Variants in JPH1 observed in about 807,000 individuals in gnomAD.
The protein encoded by JPH1 is junctophilin 1.
A neutral mutation model predicts 53.6 loss-of-function variants in JPH1; 12 were observed. The observed-to-expected ratio is 0.22, with a 90% CI of 0.14 to 0.36. The LOEUF (loss-of-function observed/expected upper bound fraction) is 0.36, where lower values mean the gene tolerates loss of function less well. Among genes scored for constraint, JPH1 ranks in the 10% least tolerant of loss-of-function variants. The pLI, the probability that JPH1 is intolerant of heterozygous loss-of-function variation, is 1.00. For synonymous variants in JPH1, 375 were observed against 363.8 expected (o/e 1.03, Z -0.35); for missense variants, 808 against 905.5 (o/e 0.89, Z 1.38).
chr8:74,237,487 C>T (rs1019984638), intron 4 of JPH1, among the ~76,000 whole-genome samples, 184 bp from the exon 5 acceptor site: 7 of 152,190 alleles, frequency 4.6e-5, no homozygotes, highest in African/African-American at 1.7e-4. Context: ...GGAGACATTT[C>T]AGAACCTTCA....
At position 74,235,908 on chromosome 8, in the gene JPH1, A is replaced by G. The variant is rs1563388293; in HGVS notation, c.*1143T>C. ...TATTCAACAGAAATTTAAGTTGGAA[A>G]AAGAAAACAAGAAAGAGCAGAGCAG... is the stretch of plus-strand genomic sequence containing the variant. On this transcript the variant is annotated 3_prime_UTR_variant, in exon 6 of 6. Transcript: ENST00000342232. 1 of 152,240 alleles carries G rather than the reference A, an allele frequency of 6.6e-6. No individual in the cohort carries two copies. The highest frequency in any genetic ancestry group is 1.5e-5 in the Non-Finnish European group (1 of 68,032). The allele number at this position is 152,240 out of a possible 1,614,324, so 9.4% of individuals were successfully genotyped here.
At chr8:74,289,661 A>G (rs974210967) in intron 2 of JPH1, among the ~76,000 whole-genome samples, 26 of 152,318 alleles carry the variant, frequency 1.7e-4, no homozygotes, top group African/African-American at 5.8e-4. Context: ...ATGCTGCCGC[A>G]TGGATAAGCC....
intron 3 of JPH1, among the ~76,000 whole-genome samples, chr8:74,256,061 T>A (rs1042955611): frequency 2.0e-5 from 3 of 152,228 alleles, no homozygotes; most frequent in Admixed American, 6.5e-5. Context: ...CAAAGGATTA[T>A]AAATCATGCT....
chr8:74,279,694 C>A (rs1302076872), intron 2 of JPH1, among the ~76,000 whole-genome samples: 1 of 152,174 alleles, frequency 6.6e-6, no homozygotes, highest in East Asian at 1.9e-4. Flanking sequence ...CTAACATATT[C>A]TCTCCCCTTG....
intron 2 of JPH1, among the ~76,000 whole-genome samples, chr8:74,288,638 CT>C (rs1372825355): frequency 6.6e-6 from 1 of 152,130 alleles, no homozygotes; most frequent in African/African-American, 2.4e-5. Flanking sequence ...CAAGGAAATG[CT>C]TTACTAGGAA....
intron 2 of JPH1, among the ~76,000 whole-genome samples, chr8:74,297,493 C>T (rs559316439): frequency 6.6e-5 from 10 of 152,134 alleles, no homozygotes; most frequent in Non-Finnish European, 1.3e-4. Context: ...GTGTGCTTCG[C>T]GGGACTCTTA....
chr8:74,241,984 C>T (rs577887155), intron 4 of JPH1, among the ~76,000 whole-genome samples: 24 of 152,274 alleles, frequency 1.6e-4, no homozygotes, highest in African/African-American at 2.9e-4. Context: ...ACAAAAATTT[C>T]GGGATCACAT....
At chr8:74,273,491 A>G (rs1410950675) in intron 2 of JPH1, among the ~76,000 whole-genome samples, 2 of 152,222 alleles carry the variant, frequency 1.3e-5, no homozygotes, top group Admixed American at 6.5e-5. Context: ...TCGGGAATGA[A>G]TAATTTAACC....
At chr8:74,298,121 AGCT>A (rs2131442731) in intron 2 of JPH1, among the ~76,000 whole-genome samples, 1 of 152,324 alleles carries the variant, frequency 6.6e-6, no homozygotes, top group South Asian at 2.1e-4. Context: ...ATCCTCGGGA[AGCT>A]GCTAAGTGCT....
chr8:74,284,918 G>A (rs564523515), intron 2 of JPH1, among the ~76,000 whole-genome samples: 27 of 151,518 alleles, frequency 1.8e-4, no homozygotes, highest in Non-Finnish European at 3.2e-4. Context: ...TCTGCCTCAC[G>A]GGTTCAAGTG....
chr8:74,270,091 T>C lies in JPH1; in HGVS notation c.1140-10588A>G, dbSNP rs538888753. ...CATTTTGAGCTTTCTTCTCCCAATGTATTTTTTTTTAACGAGTTTCGGCTG... is the reference window on the plus strand; with the variant it reads ...CATTTTGAGCTTTCTTCTCCCAATGCATTTTTTTTTAACGAGTTTCGGCTG... On this transcript the variant is annotated intron_variant, in intron 2 of 5. Transcript: ENST00000342232. Among the ~76,000 whole-genome samples, 3 of 149,176 alleles carry C rather than the reference T, an allele frequency of 2.0e-5. No individual in the cohort carries two copies. The South Asian group carries it at 6.3e-4, about 31-fold the overall frequency.
chr8:74,302,799 C>T (rs1216856702), intron 2 of JPH1, among the ~76,000 whole-genome samples: 1 of 152,148 alleles, frequency 6.6e-6, no homozygotes, highest in African/African-American at 2.4e-5. Flanking sequence ...AGGGTATTTG[C>T]TTTTAATGAC....
chr8:74,263,000 G>A (rs1806435726), intron 2 of JPH1, among the ~76,000 whole-genome samples: 1 of 152,196 alleles, frequency 6.6e-6, no homozygotes, highest in Non-Finnish European at 1.5e-5. Context: ...TGTTTTATGA[G>A]CTCTCTAGTT....
At chr8:74,312,955 AC>A (rs1350453164) in intron 2 of JPH1, among the ~76,000 whole-genome samples, 1 of 152,206 alleles carries the variant, frequency 6.6e-6, no homozygotes, top group Admixed American at 6.5e-5. Flanking sequence ...AAATAATACT[AC>A]CCCCAAAAGA....
At chr8:74,251,234 A>C (rs970091765) in intron 3 of JPH1, among the ~76,000 whole-genome samples, 1 of 152,104 alleles carries the variant, frequency 6.6e-6, no homozygotes, top group African/African-American at 2.4e-5. Context: ...AACACTGCCA[A>C]TTTTTGCCTC....
Position 74,315,596 on chromosome 8 carries a change from C to G in JPH1, c.404G>C (p.Gly135Ala). 3 of 1,602,698 alleles carry G rather than the reference C, an allele frequency of 1.9e-6. No individual in the cohort carries two copies. Among genetic ancestry groups the G allele is most frequent in the Non-Finnish European group, 2.5e-6 (3 of 1,177,940 alleles). ...CACGCCGTAGCCATGCCGCATGCCT[C>G]CGGCCCACTGGCCCTGGTAGGTACC... ...DGGTYQGQWA[G>A]GMRHGYGVRQ... Residue 135 changes from glycine to alanine, a missense_variant, in exon 2 of 6, where the codon GGA becomes GCA. Transcript: ENST00000342232. The surrounding 1 kb of genome is among the most constrained non-coding windows in gnomAD (Gnocchi z 6.3).
chr8:74,286,648 G>A (rs1340883162), intron 2 of JPH1, among the ~76,000 whole-genome samples: 4 of 152,084 alleles, frequency 2.6e-5, no homozygotes, highest in African/African-American at 9.7e-5. Context: ...TTATAATTAT[G>A]TCTGTAACTC....
At chr8:74,249,631 G>A (rs915429134) in intron 3 of JPH1, among the ~76,000 whole-genome samples, 3 of 152,082 alleles carry the variant, frequency 2.0e-5, no homozygotes, top group African/African-American at 4.8e-5. Context: ...GTCAACTAGT[G>A]GATTATTCAG....
intron 2 of JPH1, among the ~76,000 whole-genome samples, chr8:74,278,273 A>G (rs1379160669): frequency 6.6e-6 from 1 of 152,194 alleles, no homozygotes; most frequent in Non-Finnish European, 1.5e-5. Flanking sequence ...CCATCCATGT[A>G]AGACATGACT....
Sources: allele counts gnomAD v4.1 joint callset (sites outside exome capture counted in the v4.1 genomes callset), GRCh38; gene constraint gnomAD v4.1.1; non-coding constraint Gnocchi (gnomAD v3.1); transcripts MANE v1.5; gene names NCBI Gene and HGNC (gene_info 2026-07-23, HGNC 2026-07-21).